The following WIPF2 variants were observed in gnomAD, a reference collection of about 807,000 sequenced individuals.
The protein encoded by WIPF2 is WAS/WASL-interacting protein family member 2.
In WIPF2, 23 loss-of-function variants were observed where a neutral mutation model predicts 38.8. The observed-to-expected ratio is 0.59, with a 90% confidence interval of 0.43 to 0.84. The LOEUF is 0.84. Among genes scored for constraint, WIPF2 ranks in the 40% least tolerant of loss-of-function variants. The pLI, the probability that WIPF2 is intolerant of heterozygous loss-of-function variation, is 0.00. For synonymous variants in WIPF2, 210 were observed against 223.2 expected (o/e 0.94, Z 0.53); for missense variants, 574 against 580.5 (o/e 0.99, Z 0.11).
chr17:40,271,105 G>A (rs2032237968), intron 5 of WIPF2, among the ~76,000 whole-genome samples: 1 of 152,064 alleles, frequency 6.6e-6, no homozygotes, highest in Admixed American at 6.6e-5. Context: ...AGAATATCTG[G>A]GATTGCAGGC....
chr17:40,277,490 G>A (rs1283495907), intron 7 of WIPF2, among the ~76,000 whole-genome samples: 2 of 152,052 alleles, frequency 1.3e-5, no homozygotes, highest in African/African-American at 2.4e-5. Context: ...GACCATCCTA[G>A]CTAACACGGT....
intron 1 of WIPF2, among the ~76,000 whole-genome samples, chr17:40,254,267 T>G (rs187264123): frequency 6.6e-6 from 1 of 152,242 alleles, no homozygotes; most frequent in Admixed American, 6.5e-5. Flanking sequence ...TCTTCCTTTC[T>G]CCATCTCCCA....
chr17:40,226,642 T>C (rs1406854005), intron 1 of WIPF2, among the ~76,000 whole-genome samples: 1 of 152,200 alleles, frequency 6.6e-6, no homozygotes, highest in African/African-American at 2.4e-5. Flanking sequence ...ATGTTTATTA[T>C]CTAAGATCCA....
intron 1 of WIPF2, among the ~76,000 whole-genome samples, chr17:40,255,545 G>T (rs2031695869): frequency 6.6e-6 from 1 of 151,562 alleles, no homozygotes; most frequent in Non-Finnish European, 1.5e-5. Flanking sequence ...GGCTGGCCTT[G>T]AACTCCCAAT....
Position 40,219,332 on chromosome 17 carries a change from G to T in WIPF2, c.-230G>T. The T allele has an allele frequency of 2.9e-6, 1 of 346,378 alleles. No individual in the cohort carries two copies. Among genetic ancestry groups the T allele is most frequent in the Non-Finnish European group, 5.5e-6 (1 of 182,922 alleles). The allele number at this position is 346,378 out of a possible 1,614,324, so 21.5% of individuals were successfully genotyped here. ...TTGTTCGCGGACGCTGGGGACGGTG[G>T]GAGCAGATCCATTTCCGGGTTGGCA... On this transcript the variant is annotated 5_prime_UTR_variant, in exon 1 of 8. Transcript: ENST00000323571.
intron 1 of WIPF2, among the ~76,000 whole-genome samples, chr17:40,250,398 TTTTTTGTA>T (rs913032919): frequency 1.3e-5 from 2 of 150,010 alleles, no homozygotes; most frequent in East Asian, 3.9e-4. Flanking sequence ...GCCCGGCTAA[TTTTTTGTA>T]TTTTTGTATT....
chr17:40,221,293 A>G (rs1420648716), intron 1 of WIPF2, among the ~76,000 whole-genome samples: 2 of 152,154 alleles, frequency 1.3e-5, no homozygotes. Context: ...GATTTAGTAA[A>G]TAACTTCAAG....
At chr17:40,254,226 A>G (rs2031650252) in intron 1 of WIPF2, among the ~76,000 whole-genome samples, 1 of 152,148 alleles carries the variant, frequency 6.6e-6, no homozygotes, top group Admixed American at 6.6e-5. Context: ...CATGTTGTCC[A>G]GACTGGTCTT....
chr17:40,221,052 G>A (rs1598459632), intron 1 of WIPF2, among the ~76,000 whole-genome samples: 1 of 152,060 alleles, frequency 6.6e-6, no homozygotes, highest in African/African-American at 2.4e-5. Context: ...AGAGTTCTGG[G>A]ATTAGAGGCG....
chr17:40,246,683 C>T (rs993888452), intron 1 of WIPF2, among the ~76,000 whole-genome samples: 3 of 152,100 alleles, frequency 2.0e-5, no homozygotes, highest in African/African-American at 7.2e-5. Context: ...AGGTGTGAGC[C>T]ACTGCGCCTG....
At chr17:40,261,035 TAAAAA>T (rs34087528) in intron 3 of WIPF2, among the ~76,000 whole-genome samples, 1 of 93,576 alleles carries the variant, frequency 1.1e-5, no homozygotes, top group Non-Finnish European at 2.0e-5. Flanking sequence ...CTCAAAAAGG[TAAAAA>T]AAAAAAAAAA....
chr17:40,227,992 G>T (rs1330302002), intron 1 of WIPF2, among the ~76,000 whole-genome samples: 1 of 125,306 alleles, frequency 8.0e-6, no homozygotes. Context: ...TCTTTTGCTT[G>T]TTTTTATACC....
At chr17:40,239,622 T>A (rs963723151) in intron 1 of WIPF2, among the ~76,000 whole-genome samples, 9 of 152,008 alleles carry the variant, frequency 5.9e-5, no homozygotes, top group African/African-American at 2.2e-4. Context: ...GGCTTTTCAC[T>A]TGATACCCTT....
chr17:40,250,219 GTTTTT>G (rs1170849046), intron 1 of WIPF2, among the ~76,000 whole-genome samples: 29 of 62,538 alleles, frequency 4.6e-4, no homozygotes, highest in African/African-American at 1.6e-3. Context: ...ATTTTATCAT[GTTTTT>G]TTTTTTTTTT....
chr17:40,258,223 C>T (rs1255469037), intron 2 of WIPF2, among the ~76,000 whole-genome samples: 1 of 151,988 alleles, frequency 6.6e-6, no homozygotes, highest in African/African-American at 2.4e-5. Context: ...CATGGTGAAA[C>T]CCCATCTCTA....
At chr17:40,267,076 C>T (rs1471675931) in intron 5 of WIPF2, among the ~76,000 whole-genome samples, 2 of 152,044 alleles carry the variant, frequency 1.3e-5, no homozygotes, top group Non-Finnish European at 2.9e-5. Context: ...TCATCTGGAG[C>T]GTGGGAGTGT....
chr17:40,238,104 G>A (rs1214826762), intron 1 of WIPF2, among the ~76,000 whole-genome samples: 2 of 150,782 alleles, frequency 1.3e-5, no homozygotes, highest in Non-Finnish European at 3.0e-5. Flanking sequence ...TGATCCACCC[G>A]CCTTGGCCTC....
intron 7 of WIPF2, 111 bp from the exon 8 acceptor site, chr17:40,278,074 G>T (rs2032460765): frequency 3.1e-6 from 4 of 1,298,612 alleles, no homozygotes; most frequent in Admixed American, 2.1e-5. Flanking sequence ...GTAGTCCCCA[G>T]ATTTTAAAGG....
intron 3 of WIPF2, 62 bp from the exon 4 acceptor site, chr17:40,262,463 T>C: frequency 7.4e-7 from 1 of 1,351,962 alleles, no homozygotes; most frequent in Non-Finnish European, 1.1e-6. Context: ...TTTCCCCTCA[T>C]GATTTACTTG....
Sources: allele counts gnomAD v4.1 joint callset (sites outside exome capture counted in the v4.1 genomes callset), GRCh38; gene constraint gnomAD v4.1.1; transcripts MANE v1.5; gene names NCBI Gene and HGNC (gene_info 2026-07-23, HGNC 2026-07-21).